ZFHX3: variants seen among roughly 807,000 people sequenced by gnomAD.
ZFHX3 encodes the protein zinc finger homeobox 3, also known as zinc finger homeobox protein 3.
A neutral mutation model predicts 279.1 loss-of-function variants in ZFHX3; 42 were observed. The observed-to-expected ratio is 0.15, with a 90% CI of 0.12 to 0.19. The LOEUF is 0.19. Ranked by LOEUF, ZFHX3 falls within the 10% of genes least tolerant of loss-of-function variation. The probability of loss-of-function intolerance (pLI) is 1.00; values close to 1 mark genes in which losing one functional copy is unlikely to be tolerated. For missense variants in ZFHX3, 4,981 were observed against 4,754.0 expected (o/e 1.05, Z -1.40); for synonymous variants, 2,293 against 1,957.8 (o/e 1.17, Z -4.52).
intron 1 of ZFHX3, among the ~76,000 whole-genome samples, chr16:73,753,819 G>T (rs2142272969): frequency 6.6e-6 from 1 of 152,114 alleles, no homozygotes; most frequent in Admixed American, 6.5e-5. Flanking sequence ...ACAAAACAAG[G>T]TTACATATTG....
chr16:73,037,911 C>G (rs1964969619), intron 1 of ZFHX3, among the ~76,000 whole-genome samples: 1 of 152,180 alleles, frequency 6.6e-6, no homozygotes, highest in Non-Finnish European at 1.5e-5. Flanking sequence ...TGACTACCAG[C>G]TTGCCATAAA....
chr16:73,537,078 G>C (rs2019914811), intron 2 of ZFHX3, among the ~76,000 whole-genome samples: 2 of 152,068 alleles, frequency 1.3e-5, no homozygotes, highest in Non-Finnish European at 2.9e-5. Flanking sequence ...CACATGCTGG[G>C]CGAATAAGAG....
At chr16:73,103,611 G>A (rs759553396) in intron 7 of ZFHX3, among the ~76,000 whole-genome samples, 17 of 152,182 alleles carry the variant, frequency 1.1e-4, no homozygotes, top group Non-Finnish European at 7.3e-5. Flanking sequence ...GAACTCCTCA[G>A]GGGTAGGAAT....
intron 6 of ZFHX3, chr16:73,137,627 G>A (rs887232628): frequency 1.3e-5 from 2 of 151,868 alleles, no homozygotes; most frequent in African/African-American, 4.8e-5. Context: ...AGTGACCTCC[G>A]GGTATATTAG....
At chr16:73,159,558 G>T (rs568500466) in intron 5 of ZFHX3, among the ~76,000 whole-genome samples, 5 of 152,054 alleles carry the variant, frequency 3.3e-5, no homozygotes, top group African/African-American at 1.2e-4. Flanking sequence ...CCTACTCCAG[G>T]CCACCAAAGG....
At chr16:73,606,583 T>G (rs1162916121) in intron 2 of ZFHX3, among the ~76,000 whole-genome samples, 1 of 152,152 alleles carries the variant, frequency 6.6e-6, no homozygotes, top group Admixed American at 6.5e-5. Context: ...AGTTTTTATT[T>G]TATTTCATTT....
intron 1 of ZFHX3, among the ~76,000 whole-genome samples, chr16:73,033,510 G>T (rs913946376): frequency 6.6e-6 from 1 of 151,668 alleles, no homozygotes; most frequent in Admixed American, 6.6e-5. Flanking sequence ...CAACTTGACT[G>T]GGGGGAAAGG....
chr16:73,687,011 AATATATATATATATATATATAT>A (rs58565282), intron 1 of ZFHX3, among the ~76,000 whole-genome samples: 7,744 of 53,276 alleles, frequency 0.15, 749 homozygotes, highest in Admixed American at 0.26. Context: ...TTTGCAGCTA[AATATATATATATATATATATAT>A]ATATATATAT....
chr16:73,254,614 A>G (rs1043166273), intron 5 of ZFHX3, among the ~76,000 whole-genome samples: 21 of 152,218 alleles, frequency 1.4e-4, no homozygotes, highest in African/African-American at 4.6e-4. Context: ...AGCATCTTAT[A>G]TAAGTCTAGA....
Position 73,093,016 on chromosome 16 carries a change from C to G in ZFHX3, c.-533+219G>C, listed in dbSNP as rs28502196. On this transcript the variant is annotated intron_variant, in intron 8 of 17. Coordinates refer to the ZFHX3 transcript ENST00000641206. The stretch of plus-strand genomic sequence containing the variant: ...ATCCCTTCTCCTTTTTCTTCGGGCC[C>G]TTGTTTTCTTCCATCCTTTCAAACA... 1,955 of 520,060 alleles carry G rather than the reference C, an allele frequency of 3.8e-3. 5 individuals are homozygous for G. The highest frequency in any genetic ancestry group is 6.5e-3 in the Admixed American group (333 of 51,588). 32.2% of individuals were successfully genotyped at this position (520,060 alleles called of 1,614,324 possible).
At position 73,134,474 on chromosome 16, in the gene ZFHX3, GCACGTGTCAC is replaced by G. The variant is rs940638531; in HGVS notation, c.-1023-3390_-1023-3381del. On this transcript the variant is annotated intron_variant, in intron 6 of 17. Coordinates refer to the ZFHX3 transcript ENST00000641206. ...GCCTCCCTAACAGTTGCGACCACAGGCACGTGTCACCACACCCAGCTAACTAAACATTTTT... is the reference window on the plus strand; with the variant it reads ...GCCTCCCTAACAGTTGCGACCACAGGCACACCCAGCTAACTAAACATTTTT... 3 of 150,638 alleles carry G rather than the reference GCACGTGTCAC, an allele frequency of 2.0e-5. No individual in the cohort carries two copies. In the Admixed American group the frequency reaches 2.0e-4, roughly 10 times the overall value. The allele number at this position is 150,638 out of a possible 1,614,324, so 9.3% of individuals were successfully genotyped here.
intron 2 of ZFHX3, among the ~76,000 whole-genome samples, chr16:73,514,390 G>A (rs557330878): frequency 4.6e-5 from 7 of 152,226 alleles, no homozygotes; most frequent in African/African-American, 9.6e-5. Flanking sequence ...TTGTGGTTAC[G>A]TGATATGCCA....
At chr16:73,877,890 C>A (rs2030005730) in intron 1 of ZFHX3, among the ~76,000 whole-genome samples, 1 of 151,856 alleles carries the variant, frequency 6.6e-6, no homozygotes, top group Admixed American at 6.6e-5. Context: ...AGTTCAACTC[C>A]CCCCAAAAAA....
exon 1 of ZFHX3, chr16:73,058,603 C>G: frequency 8.3e-6 from 2 of 241,652 alleles, no homozygotes; most frequent in Non-Finnish European, 1.6e-5. Context: ...GCTGGCGGCG[C>G]TTTTAATCCC....
chr16:73,859,968 A>G (rs1263864984), intron 1 of ZFHX3, among the ~76,000 whole-genome samples: 1 of 152,208 alleles, frequency 6.6e-6, no homozygotes, highest in Non-Finnish European at 1.5e-5. Flanking sequence ...AGGCACAGCT[A>G]ATTTAAAAAA....
intron 2 of ZFHX3, among the ~76,000 whole-genome samples, chr16:73,662,418 C>T (rs898441194): frequency 3.9e-5 from 6 of 152,054 alleles, no homozygotes; most frequent in Non-Finnish European, 7.4e-5. Flanking sequence ...CTTACCTTGA[C>T]GAGACACATG....
intron 1 of ZFHX3, among the ~76,000 whole-genome samples, chr16:73,837,071 C>T (rs760080300): frequency 1.8e-4 from 28 of 152,146 alleles, no homozygotes; most frequent in Non-Finnish European, 2.9e-4. Context: ...TTAGAAATTA[C>T]CTAGTCTCTG....
At chr16:72,889,649 T>A in intron 4 of ZFHX3, 82 bp downstream of exon 4, 1 of 1,366,376 alleles carries the variant, frequency 7.3e-7, no homozygotes, top group Non-Finnish European at 1.0e-6. Context: ...AACGTCTCCC[T>A]CAAACAGAAG....
rs2020153383 is a variant in ZFHX3 at position 73,548,325 on chromosome 16, C to T, written c.-1546-92067G>A. On this transcript the variant is annotated intron_variant, in intron 2 of 17. Coordinates refer to the ZFHX3 transcript ENST00000641206. ...AGCATTGGACCTAATAAACCGAACA[C>T]TGGAGGCACAGATCTCGTCTTCTTT... Among the ~76,000 whole-genome samples, 3 of 152,218 alleles carry T rather than the reference C, an allele frequency of 2.0e-5. No individual in the cohort carries two copies. In the South Asian group the frequency reaches 6.2e-4, roughly 31 times the overall value.
Sources: gnomAD v4.1 joint callset for allele counts (sites outside exome capture counted in the v4.1 genomes callset) on GRCh38, gnomAD v4.1.1 for gene constraint, MANE v1.5 for transcripts, NCBI Gene and HGNC (gene_info 2026-07-23, HGNC 2026-07-21) for gene names.